The following GPR158 variants were observed in gnomAD, a reference collection of about 807,000 sequenced individuals.
GPR158 encodes the protein metabotropic glycine receptor.
A neutral mutation model predicts 78.2 loss-of-function variants in GPR158; 30 were observed. That is an observed-to-expected ratio of 0.38 (90% CI 0.29 to 0.52). The LOEUF (loss-of-function observed/expected upper bound fraction) is 0.52. GPR158 is among the 20% of genes least tolerant of loss of function. The pLI, the probability that GPR158 is intolerant of heterozygous loss-of-function variation, is 0.83. For missense variants in GPR158, 1,463 were observed against 1,523.5 expected (o/e 0.96, Z 0.66); for synonymous variants, 581 against 591.1 (o/e 0.98, Z 0.25).
At chr10:25,186,585 T>C (rs1264074572) in intron 1 of GPR158, among the ~76,000 whole-genome samples, 1 of 151,998 alleles carries the variant, frequency 6.6e-6, no homozygotes, top group Admixed American at 6.6e-5. Flanking sequence ...TCAGAGAATA[T>C]TATAAACACC....
intron 5 of GPR158, among the ~76,000 whole-genome samples, chr10:25,477,683 G>T (rs1046532812): frequency 6.6e-6 from 1 of 152,032 alleles, no homozygotes; most frequent in Non-Finnish European, 1.5e-5. Flanking sequence ...AAAAAAAAAC[G>T]AAATTGGAAA....
intron 5 of GPR158, among the ~76,000 whole-genome samples, chr10:25,540,613 T>TA (rs1467909876): frequency 6.6e-6 from 1 of 151,608 alleles, no homozygotes; most frequent in Non-Finnish European, 1.5e-5. Flanking sequence ...TATGCAGCCA[T>TA]AAAAAAGGAT....
At chr10:25,597,197 A>G (rs543324144) in intron 10 of GPR158, among the ~76,000 whole-genome samples, 2 of 152,350 alleles carry the variant, frequency 1.3e-5, no homozygotes, top group East Asian at 1.9e-4. Context: ...CTATGACGAC[A>G]TATCAGCATC....
chr10:25,525,647 T>G (rs1445730031), intron 5 of GPR158, among the ~76,000 whole-genome samples: 1 of 152,224 alleles, frequency 6.6e-6, no homozygotes, highest in African/African-American at 2.4e-5. Context: ...AGTCAGTGGC[T>G]GCCTGTGGCA....
At chr10:25,232,128 CA>C (rs10708687) in intron 2 of GPR158, among the ~76,000 whole-genome samples, 1,948 of 148,100 alleles carry the variant, frequency 0.013, 42 homozygotes, top group African/African-American at 0.047. Context: ...TGGAGCCAAT[CA>C]GGGGGAAAAA....
chr10:25,324,149 C>A (rs998116429), intron 2 of GPR158, among the ~76,000 whole-genome samples: 1 of 152,172 alleles, frequency 6.6e-6, no homozygotes, highest in Non-Finnish European at 1.5e-5. Flanking sequence ...CTTTTAATTT[C>A]CTTCAGTAAC....
intron 2 of GPR158, among the ~76,000 whole-genome samples, chr10:25,368,241 C>T (rs1177154423): frequency 6.6e-6 from 1 of 151,708 alleles, no homozygotes; most frequent in Non-Finnish European, 1.5e-5. Context: ...TATTTTAATC[C>T]TTGTTTCAGG....
chr10:25,391,561 T>C (rs112028935), intron 2 of GPR158, among the ~76,000 whole-genome samples: 1 of 152,196 alleles, frequency 6.6e-6, no homozygotes, highest in African/African-American at 2.4e-5. Flanking sequence ...AGCCCCTTTA[T>C]GTTGGCCAAT....
At chr10:25,366,045 A>G (rs1855718412) in intron 2 of GPR158, among the ~76,000 whole-genome samples, 1 of 151,766 alleles carries the variant, frequency 6.6e-6, no homozygotes, top group Non-Finnish European at 1.5e-5. Context: ...TCTTGTATAT[A>G]ACACTAATAT....
intron 4 of GPR158, among the ~76,000 whole-genome samples, chr10:25,439,973 A>G (rs1028392286): frequency 6.6e-6 from 1 of 152,186 alleles, no homozygotes; most frequent in African/African-American, 2.4e-5. Flanking sequence ...ATGAGCTTTC[A>G]TGAAATCAGA....
At chr10:25,277,188 G>A (rs1854195028) in intron 2 of GPR158, among the ~76,000 whole-genome samples, 2 of 151,824 alleles carry the variant, frequency 1.3e-5, no homozygotes, top group Admixed American at 1.3e-4. Context: ...TTTCTTAAAG[G>A]GATCCTCCCA....
chr10:25,202,900 G>A (rs758129784), intron 1 of GPR158, among the ~76,000 whole-genome samples: 3 of 152,048 alleles, frequency 2.0e-5, no homozygotes, highest in East Asian at 1.9e-4. Context: ...ATTTCTCCGT[G>A]TCCTCTCCAG....
At chr10:25,445,471 A>G (rs1291332793) in intron 4 of GPR158, among the ~76,000 whole-genome samples, 10 of 152,214 alleles carry the variant, frequency 6.6e-5, no homozygotes, top group Admixed American at 6.5e-4. Flanking sequence ...GGACTTATGT[A>G]TAGCAGACCA....
intron 2 of GPR158, among the ~76,000 whole-genome samples, chr10:25,379,965 GT>G (rs771614117): frequency 3.6e-4 from 28 of 78,464 alleles, no homozygotes; most frequent in East Asian, 1.1e-3. Context: ...TCTCCATAGG[GT>G]TTTTTTTTTC....
intron 2 of GPR158, among the ~76,000 whole-genome samples, chr10:25,361,207 T>C (rs1855634260): frequency 6.6e-6 from 1 of 152,052 alleles, no homozygotes; most frequent in African/African-American, 2.4e-5. Context: ...TGTGAGTGTC[T>C]TATTTCACAT....
intron 2 of GPR158, among the ~76,000 whole-genome samples, chr10:25,315,010 C>T (rs57574562): frequency 0.2 from 30,354 of 150,312 alleles, 5,152 homozygotes; most frequent in African/African-American, 0.47. Flanking sequence ...TTTTTAATAC[C>T]TCTATTTTAT....
At chr10:25,304,987 C>G (rs1381048372) in intron 2 of GPR158, among the ~76,000 whole-genome samples, 1 of 152,178 alleles carries the variant, frequency 6.6e-6, no homozygotes, top group African/African-American at 2.4e-5. Context: ...TAGCCCCTGA[C>G]TCTTAGCTCT....
intron 2 of GPR158, among the ~76,000 whole-genome samples, chr10:25,390,420 C>G (rs539984160): frequency 1.3e-5 from 2 of 152,264 alleles, no homozygotes; most frequent in South Asian, 2.1e-4. Flanking sequence ...CTGAGCTGTT[C>G]CAGATAGAGA....
intron 5 of GPR158, among the ~76,000 whole-genome samples, chr10:25,497,537 G>A (rs1835898598): frequency 6.6e-6 from 1 of 152,172 alleles, no homozygotes; most frequent in African/African-American, 2.4e-5. Flanking sequence ...GTACTAGCGT[G>A]TAGACAGATT....
Sources: allele counts gnomAD v4.1 joint callset (sites outside exome capture counted in the v4.1 genomes callset), GRCh38; gene constraint gnomAD v4.1.1; transcripts MANE v1.5; gene names NCBI Gene and HGNC (gene_info 2026-07-23, HGNC 2026-07-21).